ASXL3: variants seen among roughly 807,000 people sequenced by gnomAD.
The protein encoded by ASXL3 is ASXL transcriptional regulator 3.
Under a neutral mutation model 170.6 loss-of-function variants are expected in ASXL3, and 34 were observed. That is an observed-to-expected ratio of 0.20 (90% CI 0.15 to 0.27). The LOEUF (loss-of-function observed/expected upper bound fraction) is 0.27, where lower values mean the gene tolerates loss of function less well. Ranked by LOEUF, ASXL3 falls within the 10% of genes least tolerant of loss-of-function variation. The pLI is 1.00. For synonymous variants in ASXL3, 1,002 were observed against 989.1 expected (o/e 1.01, Z -0.24); for missense variants, 2,592 against 2,695.3 (o/e 0.96, Z 0.85).
At chr18:33,717,216 C>T (rs1052051008) in intron 8 of ASXL3, among the ~76,000 whole-genome samples, 13 of 152,102 alleles carry the variant, frequency 8.5e-5, no homozygotes, top group Middle Eastern at 3.4e-3. Flanking sequence ...GGGTGACCAG[C>T]CAGCACTAGA....
intron 8 of ASXL3, among the ~76,000 whole-genome samples, chr18:33,695,904 T>G (rs2066767513): frequency 6.6e-6 from 1 of 152,180 alleles, no homozygotes; most frequent in African/African-American, 2.4e-5. Flanking sequence ...CTTACATAAT[T>G]TACTTAATAA....
chr18:33,638,138 T>C (rs1483109299), intron 2 of ASXL3, among the ~76,000 whole-genome samples: 1 of 150,582 alleles, frequency 6.6e-6, no homozygotes, highest in African/African-American at 2.4e-5. Flanking sequence ...GTATAGTATA[T>C]ATATATATAA....
chr18:33,653,163 G>A (rs1315010884), intron 4 of ASXL3, among the ~76,000 whole-genome samples: 1 of 152,068 alleles, frequency 6.6e-6, no homozygotes, highest in Non-Finnish European at 1.5e-5. Flanking sequence ...GAATGCTCCA[G>A]TGTAGTTTTA....
chr18:33,606,808 T>C (rs2065255781), intron 1 of ASXL3, among the ~76,000 whole-genome samples: 1 of 151,994 alleles, frequency 6.6e-6, no homozygotes, highest in Non-Finnish European at 1.5e-5. Context: ...GGGGCACTGC[T>C]GCTTATTGTT....
Position 33,585,029 on chromosome 18 carries a change from C to T in ASXL3, c.54+6344C>T, listed in dbSNP as rs149073493. On this transcript the variant is annotated intron_variant, in intron 1 of 11. Transcript: ENST00000269197. ...ATGGAAGCGTAGGGAGGGCCCAAGCCTATGTCATACTTATTCCCTGCCTTT... is the reference window on the plus strand; with the variant it reads ...ATGGAAGCGTAGGGAGGGCCCAAGCTTATGTCATACTTATTCCCTGCCTTT... Among the ~76,000 whole-genome samples, 771 of 152,062 alleles carry T rather than the reference C, an allele frequency of 5.1e-3. 6 individuals are homozygous for T. The highest frequency in any genetic ancestry group is 0.017 in the African/African-American group (710 of 41,478).
chr18:33,676,479 T>C (rs958052721), intron 7 of ASXL3, among the ~76,000 whole-genome samples: 2 of 152,120 alleles, frequency 1.3e-5, no homozygotes, highest in African/African-American at 2.4e-5. Context: ...TCTAAAATGG[T>C]ATGTATTTCT....
At chr18:33,599,266 G>A (rs761707147) in intron 1 of ASXL3, among the ~76,000 whole-genome samples, 1 of 152,092 alleles carries the variant, frequency 6.6e-6, no homozygotes, top group Non-Finnish European at 1.5e-5. Flanking sequence ...ATATGTTAGA[G>A]CTAAATTTCA....
chr18:33,579,189 A>G (rs1463963547), intron 1 of ASXL3: 1 of 152,668 alleles, frequency 6.6e-6, no homozygotes, highest in Non-Finnish European at 1.5e-5. Context: ...GGGCGTGTGC[A>G]TGTGGGCTAG....
chr18:33,723,761 A>C (rs1487906264), intron 8 of ASXL3, among the ~76,000 whole-genome samples: 1 of 152,148 alleles, frequency 6.6e-6, no homozygotes, highest in African/African-American at 2.4e-5. Context: ...GCTACAGATA[A>C]GTTTTTTGGG....
chr18:33,738,083 C>G (rs2067578846), intron 10 of ASXL3, among the ~76,000 whole-genome samples: 1 of 151,954 alleles, frequency 6.6e-6, no homozygotes, highest in Admixed American at 6.6e-5. Flanking sequence ...TGTTCTTAAC[C>G]AGCAGTAGAG....
At chr18:33,625,964 A>T (rs1260484295) in intron 2 of ASXL3, 1 of 152,104 alleles carries the variant, frequency 6.6e-6, no homozygotes, top group Admixed American at 6.6e-5. Context: ...TTTGTTTTAG[A>T]TGTATTCTGG....
intron 2 of ASXL3, chr18:33,608,973 C>CTT (rs78749782): frequency 1.4e-5 from 11 of 788,790 alleles, no homozygotes; most frequent in Non-Finnish European, 1.5e-5. Flanking sequence ...ATTTTGGAGA[C>CTT]TTTTTTTTTT....
chr18:33,732,295 TG>T (rs1376650912), intron 9 of ASXL3, among the ~76,000 whole-genome samples: 2 of 152,232 alleles, frequency 1.3e-5, no homozygotes, highest in Non-Finnish European at 2.9e-5. Flanking sequence ...ATAAAATTTT[TG>T]ATGCAGCAAC....
At chr18:33,726,473 A>C (rs2067352725) in intron 8 of ASXL3, among the ~76,000 whole-genome samples, 1 of 152,160 alleles carries the variant, frequency 6.6e-6, no homozygotes, top group African/African-American at 2.4e-5. Flanking sequence ...ATGAAATGAG[A>C]TGTGCTATTA....
At chr18:33,608,626 A>G (rs537210660) in intron 2 of ASXL3, among the ~76,000 whole-genome samples, 1 of 152,124 alleles carries the variant, frequency 6.6e-6, no homozygotes, top group Admixed American at 6.6e-5. Flanking sequence ...TCATATGTGT[A>G]TGTAATCAGC....
intron 2 of ASXL3, among the ~76,000 whole-genome samples, chr18:33,615,666 G>A (rs2065411285): frequency 6.6e-6 from 1 of 152,122 alleles, no homozygotes; most frequent in Admixed American, 6.6e-5. Flanking sequence ...TCCAGAGACT[G>A]TATCACACAT....
rs754554203 is a variant in ASXL3, at chr18:33,738,886, T to C, written c.1482T>C (p.Pro494=). The C allele has an allele frequency of 4.3e-6, 7 of 1,613,532 alleles. No homozygotes were observed. The highest frequency in any genetic ancestry group is 5.9e-6 in the Non-Finnish European group (7 of 1,179,744). ...CTCATGAAGAACCCCAAATAGCACC[T>C]CCTGAAGATAACTTGGAATCCTGTG... The part of the protein sequence containing the change: ...TNSHEEPQIA[P]PEDNLESCVM... Residue 494 remains proline (P), a synonymous_variant, in exon 11 of 12, where the codon CCT becomes CCC. Coordinates refer to ENST00000269197, the MANE Select transcript of ASXL3 (RefSeq NM_030632.3).
intron 2 of ASXL3, among the ~76,000 whole-genome samples, chr18:33,638,385 T>A (rs1225345479): frequency 6.6e-6 from 1 of 152,092 alleles, no homozygotes; most frequent in South Asian, 2.1e-4. Context: ...TCTTTAAGTT[T>A]CTTCTTCCTT....
intron 8 of ASXL3, among the ~76,000 whole-genome samples, chr18:33,719,417 CG>C (rs2067221470): frequency 6.6e-6 from 1 of 151,986 alleles, no homozygotes; most frequent in Non-Finnish European, 1.5e-5. Flanking sequence ...CTTGATAAAA[CG>C]GGGACCATGC....
Sources: allele counts gnomAD v4.1 joint callset (sites outside exome capture counted in the v4.1 genomes callset), GRCh38; gene constraint gnomAD v4.1.1; transcripts MANE v1.5; gene names NCBI Gene and HGNC (gene_info 2026-07-23, HGNC 2026-07-21).